AAMDC: variants seen among roughly 807,000 people sequenced by gnomAD.
AAMDC encodes the protein mth938 domain-containing protein.
AAMDC carries 16 observed loss-of-function variants against 15.5 expected under a neutral mutation model. That is an observed-to-expected ratio of 1.03 (90% confidence interval 0.70 to 1.57). The LOEUF is 1.57. Ranked by LOEUF, AAMDC falls within the 40% of genes most tolerant of loss-of-function variation. AAMDC has a pLI of 0.00. For synonymous variants in AAMDC, 51 were observed against 51.6 expected (o/e 0.99, Z 0.05); for missense variants, 141 against 144.9 (o/e 0.97, Z 0.14).
intron 1 of AAMDC, among the ~76,000 whole-genome samples, chr11:77,835,784 G>A (rs1949656267): frequency 6.6e-6 from 1 of 152,096 alleles, no homozygotes; most frequent in African/African-American, 2.4e-5. Flanking sequence ...AACCAGGCGT[G>A]GTGGCATGTA....
At chr11:77,901,379 G>C, downstream of AAMDC, 1 of 1,606,838 alleles carries the variant, frequency 6.2e-7, no homozygotes, top group African/African-American at 1.3e-5. Context: ...AAGTATCTTT[G>C]AAAGGAACAT....
chr11:77,903,555 T>G, downstream of AAMDC: 1 of 1,613,910 alleles, frequency 6.2e-7, no homozygotes, highest in Non-Finnish European at 8.5e-7. Flanking sequence ...TCGCTGCTGC[T>G]GAGGCCAAAT....
intron 1 of AAMDC, among the ~76,000 whole-genome samples, chr11:77,837,615 T>C (rs2136110415): frequency 6.6e-6 from 1 of 152,226 alleles, no homozygotes; most frequent in South Asian, 2.1e-4. Context: ...TTTGTATTTT[T>C]AGTAGAGACA....
At chr11:77,877,496 G>A (rs896770366) in intron 5 of AAMDC, among the ~76,000 whole-genome samples, 5 of 152,116 alleles carry the variant, frequency 3.3e-5, no homozygotes, top group South Asian at 2.1e-4. Context: ...AATTATCTTC[G>A]TTTCACAGAT....
intron 2 of AAMDC, among the ~76,000 whole-genome samples, chr11:77,853,109 G>A (rs954453745): frequency 2.6e-5 from 4 of 152,104 alleles, no homozygotes; most frequent in African/African-American, 9.7e-5. Flanking sequence ...GTTAGATATT[G>A]CCAAATTCCC....
intron 3 of AAMDC, among the ~76,000 whole-genome samples, chr11:77,871,701 C>G (rs139251806): frequency 6.6e-6 from 1 of 152,074 alleles, no homozygotes; most frequent in East Asian, 1.9e-4. Context: ...AGCTAGCATG[C>G]GGCAAAGAAG....
rs10687244 is a variant in AAMDC, at chr11:77,883,075, A to AAATAATAATAATAAT, written c.328+6037_328+6051dup. Among the ~76,000 whole-genome samples the AAATAATAATAATAAT allele has an allele frequency of 2.8e-3, 414 of 148,320 alleles. 2 individuals are homozygous for AAATAATAATAATAAT. The highest frequency in any genetic ancestry group is 9.8e-3 in the African/African-American group (392 of 40,188). On this transcript the variant is annotated intron_variant, in intron 5 of 5. Transcript: ENST00000304716. ...TGGGCAAGAGCAAGACTCCGTCTCA[A>AAATAATAATAATAAT]AATAATAATAATAATAATAATAATA... is the stretch of plus-strand genomic sequence containing the variant.
At chr11:77,857,835 G>A (rs959325184) in intron 2 of AAMDC, among the ~76,000 whole-genome samples, 10 of 151,692 alleles carry the variant, frequency 6.6e-5, no homozygotes, top group Non-Finnish European at 1.3e-4. Context: ...TAGCTGGGAC[G>A]ACAGGTGCGC....
chr11:77,849,376 C>G (rs1299432343), intron 2 of AAMDC, among the ~76,000 whole-genome samples: 1 of 152,078 alleles, frequency 6.6e-6, no homozygotes, highest in Non-Finnish European at 1.5e-5. Context: ...TGTGTGTGAC[C>G]ACGCCCGGCT....
At chr11:77,895,428 A>T (rs1952467856) in intron 5 of AAMDC, among the ~76,000 whole-genome samples, 1 of 151,038 alleles carries the variant, frequency 6.6e-6, no homozygotes, top group Admixed American at 6.6e-5. Flanking sequence ...CACAGGCAGC[A>T]GTCAATAAGT....
intron 2 of AAMDC, among the ~76,000 whole-genome samples, chr11:77,851,713 T>C (rs1257942649): frequency 6.6e-6 from 1 of 152,242 alleles, no homozygotes; most frequent in South Asian, 2.1e-4. Context: ...TCATATGACA[T>C]GCCTACTCCC....
downstream of AAMDC, chr11:77,903,508 C>A: frequency 6.2e-7 from 1 of 1,610,118 alleles, no homozygotes; most frequent in Non-Finnish European, 8.5e-7. Context: ...TGGACAGAGA[C>A]CTATTTGAAG....
At chr11:77,835,349 GA>G (rs1949635539) in intron 1 of AAMDC, among the ~76,000 whole-genome samples, 1 of 152,126 alleles carries the variant, frequency 6.6e-6, no homozygotes, top group Non-Finnish European at 1.5e-5. Context: ...CTGTGAGGCT[GA>G]AACCTGGAAG....
At chr11:77,901,481 T>C (rs1952775822), downstream of AAMDC, 1 of 1,613,698 alleles carries the variant, frequency 6.2e-7, no homozygotes, top group African/African-American at 1.3e-5. Context: ...CCTCATGTGA[T>C]GTATAATCAC....
chr11:77,847,421 C>T (rs1342225064), intron 2 of AAMDC, among the ~76,000 whole-genome samples: 1 of 152,122 alleles, frequency 6.6e-6, no homozygotes. Flanking sequence ...GAAAGAGAGC[C>T]CTAACACATA....
intron 1 of AAMDC, among the ~76,000 whole-genome samples, chr11:77,822,965 C>G (rs528061122): frequency 5.3e-5 from 8 of 152,158 alleles, no homozygotes; most frequent in African/African-American, 1.9e-4. Flanking sequence ...CCTGTAATCC[C>G]AGCACTTTGG....
intron 1 of AAMDC, among the ~76,000 whole-genome samples, chr11:77,822,926 T>C (rs932161843): frequency 9.2e-5 from 14 of 152,040 alleles, no homozygotes; most frequent in African/African-American, 3.1e-4. Context: ...TTTTAAGAAA[T>C]TAAAATCCGC....
At chr11:77,878,954 G>T in intron 5 of AAMDC, 1 of 1,613,494 alleles carries the variant, frequency 6.2e-7, no homozygotes, top group Non-Finnish European at 8.5e-7. Context: ...TTGCCTTAGC[G>T]CCGTGCAGGT....
chr11:77,833,189 T>A (rs143364661), intron 1 of AAMDC, among the ~76,000 whole-genome samples: 43 of 151,686 alleles, frequency 2.8e-4, no homozygotes, highest in African/African-American at 9.4e-4. Context: ...TTTGCATTTT[T>A]AGTAGAGATG....
Sources: gnomAD v4.1 joint callset for allele counts (sites outside exome capture counted in the v4.1 genomes callset) on GRCh38, gnomAD v4.1.1 for gene constraint, MANE v1.5 for transcripts, NCBI Gene and HGNC (gene_info 2026-07-23, HGNC 2026-07-21) for gene names.